The following PTPRG variants were observed in gnomAD, a reference collection of about 807,000 sequenced individuals.
PTPRG encodes receptor-type tyrosine-protein phosphatase gamma.
PTPRG carries 102 observed loss-of-function variants against 165.3 expected under a neutral mutation model. That is an observed-to-expected ratio of 0.62 (90% CI 0.53 to 0.73). The LOEUF is 0.73. Ranked by LOEUF, PTPRG falls within the 30% of genes least tolerant of loss-of-function variation. The pLI is 0.00. For synonymous variants in PTPRG, 675 were observed against 669.5 expected (o/e 1.01, Z -0.13); for missense variants, 1,866 against 1,861.4 (o/e 1.00, Z -0.05).
At chr3:61,684,540 T>A (rs1703558905) in intron 1 of PTPRG, among the ~76,000 whole-genome samples, 1 of 152,196 alleles carries the variant, frequency 6.6e-6, no homozygotes, top group Non-Finnish European at 1.5e-5. Context: ...GGCTCTGTCT[T>A]AACATCTGAC....
At chr3:62,290,987 A>G (rs1172035312) in intron 28 of PTPRG, among the ~76,000 whole-genome samples, 1 of 152,140 alleles carries the variant, frequency 6.6e-6, no homozygotes, top group East Asian at 1.9e-4. Flanking sequence ...TCGGGGGGCA[A>G]AAAAACTCAC....
At chr3:61,889,770 C>A (rs2366458) in intron 2 of PTPRG, among the ~76,000 whole-genome samples, 22,601 of 152,144 alleles carry the variant, frequency 0.15, 3,420 homozygotes, top group African/African-American at 0.39. Flanking sequence ...TATTTCCATC[C>A]TAAACTGCAG....
intron 1 of PTPRG, among the ~76,000 whole-genome samples, chr3:61,692,636 GGTT>G (rs900834115): frequency 1.8e-4 from 27 of 152,216 alleles, no homozygotes; most frequent in Admixed American, 3.3e-4. Flanking sequence ...GAAAAACGGG[GGTT>G]GTTCTCTGGC....
intron 1 of PTPRG, among the ~76,000 whole-genome samples, chr3:61,604,288 C>T (rs547313545): frequency 6.6e-6 from 1 of 152,310 alleles, no homozygotes; most frequent in South Asian, 2.1e-4. Context: ...TGCACCACTG[C>T]ACTCCAACCT....
chr3:62,136,753 C>T (rs1243247498), intron 6 of PTPRG, among the ~76,000 whole-genome samples: 1 of 152,188 alleles, frequency 6.6e-6, no homozygotes, highest in Non-Finnish European at 1.5e-5. Context: ...CTTCTCTTGT[C>T]TGCCGCCATG....
At chr3:62,103,149 T>A (rs572025996) in intron 5 of PTPRG, among the ~76,000 whole-genome samples, 56 of 152,316 alleles carry the variant, frequency 3.7e-4, no homozygotes, top group Admixed American at 8.5e-4. Context: ...TCAAGTTTTT[T>A]TTTTATTTTA....
chr3:61,702,753 A>G (rs1465189632), intron 1 of PTPRG, among the ~76,000 whole-genome samples: 5 of 151,858 alleles, frequency 3.3e-5, no homozygotes, highest in Non-Finnish European at 7.4e-5. Flanking sequence ...AACTTAGGGA[A>G]CTCTTTTGGG....
At chr3:61,602,960 C>T (rs970911303) in intron 1 of PTPRG, among the ~76,000 whole-genome samples, 12 of 152,112 alleles carry the variant, frequency 7.9e-5, no homozygotes, top group East Asian at 5.8e-4. Flanking sequence ...ATCTGTGCTC[C>T]GGAGGTTGTA....
chr3:61,936,221 A>G (rs1180273025), intron 2 of PTPRG, among the ~76,000 whole-genome samples: 2 of 152,152 alleles, frequency 1.3e-5, no homozygotes, highest in Middle Eastern at 3.2e-3. Context: ...TTCTTTATCA[A>G]TTACTCAGTT....
chr3:61,609,645 C>T (rs1056289212), intron 1 of PTPRG, among the ~76,000 whole-genome samples: 4 of 152,000 alleles, frequency 2.6e-5, no homozygotes, highest in African/African-American at 9.7e-5. Context: ...TTGCTTGAGC[C>T]CAAGAGTTTG....
chr3:62,094,905 A>G (rs1702059750), intron 5 of PTPRG, among the ~76,000 whole-genome samples: 1 of 152,234 alleles, frequency 6.6e-6, no homozygotes, highest in Admixed American at 6.5e-5. Flanking sequence ...CACATCAGGA[A>G]GGCTGCGACC....
chr3:62,121,782 C>A lies in PTPRG; in HGVS notation c.616-10820C>A, dbSNP rs534979867. 2.0e-5 allele frequency among the ~76,000 whole-genome samples: 3 copies of A among 152,320 alleles called. No individual in the cohort carries two copies. In the East Asian group the frequency reaches 5.8e-4, roughly 29 times the overall value. On this transcript the variant is annotated intron_variant, in intron 5 of 29. Transcript: ENST00000474889. ...CACAGTTGCTTAAATAAGTAGACTA[C>A]ATGCTCTATGAAGAAATCATATTAT...
At chr3:61,749,325 T>A (rs2033340550) in intron 2 of PTPRG, 2 of 381,218 alleles carry the variant, frequency 5.2e-6, no homozygotes. Flanking sequence ...AGAAAATATA[T>A]GGCTAGTCTT....
At chr3:61,778,180 C>G (rs371755065) in intron 2 of PTPRG, among the ~76,000 whole-genome samples, 1 of 151,986 alleles carries the variant, frequency 6.6e-6, no homozygotes. Context: ...AGGAAAAGAA[C>G]GAAGGAATGA....
At chr3:61,563,510 C>A (rs1699822947) in intron 1 of PTPRG, among the ~76,000 whole-genome samples, 2 of 152,094 alleles carry the variant, frequency 1.3e-5, no homozygotes, top group Admixed American at 6.5e-5. Context: ...GGGGTGGAGG[C>A]CAAGTCCTGC....
rs187601882 is a variant in PTPRG, at chr3:62,265,725, T to A, written c.2657-1685T>A. Reference sequence around the variant, plus strand: ...ACTTTGGCAGTATTTGTTGGCCAGCTCAATCAAGGCTCACCACTGCTGTGA... The same window carrying A: ...ACTTTGGCAGTATTTGTTGGCCAGCACAATCAAGGCTCACCACTGCTGTGA... On this transcript the variant is annotated intron_variant, in intron 17 of 29. Coordinates refer to ENST00000474889, the MANE Select transcript of PTPRG (RefSeq NM_002841.4). Among the ~76,000 whole-genome samples the A allele has an allele frequency of 1.2e-4, 19 of 152,128 alleles. No homozygotes were observed. In the East Asian group the frequency reaches 3.3e-3, roughly 26 times the overall value.
At chr3:62,117,965 T>G (rs1026125383) in intron 5 of PTPRG, among the ~76,000 whole-genome samples, 5 of 152,198 alleles carry the variant, frequency 3.3e-5, no homozygotes, top group African/African-American at 4.8e-5. Flanking sequence ...TGTTTACTGT[T>G]CAGTAATTTC....
intron 1 of PTPRG, among the ~76,000 whole-genome samples, chr3:61,567,420 A>G (rs916430832): frequency 6.6e-6 from 1 of 152,146 alleles, no homozygotes; most frequent in African/African-American, 2.4e-5. Flanking sequence ...GCTCACTCCT[A>G]TAATCACAGT....
At chr3:61,946,461 A>G (rs2039763480) in intron 2 of PTPRG, among the ~76,000 whole-genome samples, 1 of 152,240 alleles carries the variant, frequency 6.6e-6, no homozygotes, top group African/African-American at 2.4e-5. Context: ...GAAGACTGAA[A>G]GAAGAGCATC....
Sources: allele counts gnomAD v4.1 joint callset (sites outside exome capture counted in the v4.1 genomes callset), GRCh38; gene constraint gnomAD v4.1.1; transcripts MANE v1.5; gene names NCBI Gene and HGNC (gene_info 2026-07-23, HGNC 2026-07-21).